The following PARD3 variants were observed in gnomAD, a reference collection of about 807,000 sequenced individuals.
PARD3 encodes par-3 family cell polarity regulator.
Under a neutral mutation model 155.4 loss-of-function variants are expected in PARD3, and 75 were observed. That is an observed-to-expected ratio of 0.48 (90% CI 0.40 to 0.58). The LOEUF (loss-of-function observed/expected upper bound fraction) is 0.58, where lower values mean the gene tolerates loss of function less well. Among genes scored for constraint, PARD3 ranks in the 20% least tolerant of loss-of-function variants. The pLI is 0.00. For synonymous variants in PARD3, 576 were observed against 610.5 expected, an observed-to-expected ratio of 0.94 and a Z score of 0.83; for missense variants, 1,642 against 1,721.7, an observed-to-expected ratio of 0.95 and a Z score of 0.82.
At chr10:34,799,950 A>C (rs1235265321) in intron 1 of PARD3, among the ~76,000 whole-genome samples, 5 of 152,124 alleles carry the variant, frequency 3.3e-5, no homozygotes, top group Non-Finnish European at 7.3e-5. Flanking sequence ...CAATACAGTG[A>C]GACTCCATCT....
intron 21 of PARD3, among the ~76,000 whole-genome samples, chr10:34,277,749 A>G (rs1422209536): frequency 2.0e-5 from 3 of 152,182 alleles, no homozygotes; most frequent in Non-Finnish European, 4.4e-5. Flanking sequence ...AAAAGTTGAA[A>G]AAGAGATAAA....
intron 2 of PARD3, among the ~76,000 whole-genome samples, chr10:34,630,155 G>A (rs1334143961): frequency 2.0e-5 from 3 of 152,160 alleles, no homozygotes; most frequent in Non-Finnish European, 4.4e-5. Context: ...GTTTAGAAAC[G>A]TAAAGCATTT....
rs116785305 is a variant in PARD3, at chr10:34,454,223, G to A, written c.583-3775C>T. On this transcript the variant is annotated intron_variant, in intron 4 of 24. Transcript: ENST00000374788. Reference sequence around the variant, plus strand: ...AGTCTGGCCACAAATCTAGTTCACCGTCTACTGCATACAATGTGTATCAAG... The same window carrying A: ...AGTCTGGCCACAAATCTAGTTCACCATCTACTGCATACAATGTGTATCAAG... Among the ~76,000 whole-genome samples the A allele has an allele frequency of 4.0e-3, 601 of 152,012 alleles. 3 individuals are homozygous for A. The highest frequency in any genetic ancestry group is 0.014 in the African/African-American group (567 of 41,434).
At chr10:34,175,036 C>T (rs75920603) in intron 22 of PARD3, among the ~76,000 whole-genome samples, 4,619 of 151,930 alleles carry the variant, frequency 0.03, 87 homozygotes, top group Non-Finnish European at 0.04. Context: ...TGGAGTTCCT[C>T]GTATCTAGAA....
chr10:34,477,660 T>A (rs1306017729), intron 3 of PARD3, among the ~76,000 whole-genome samples: 1 of 152,236 alleles, frequency 6.6e-6, no homozygotes, highest in Non-Finnish European at 1.5e-5. Flanking sequence ...TTTCTTCTCA[T>A]CAACTTGCCC....
chr10:34,185,372 T>C (rs1950439540), intron 22 of PARD3, among the ~76,000 whole-genome samples: 2 of 152,222 alleles, frequency 1.3e-5, no homozygotes, highest in South Asian at 2.1e-4. Flanking sequence ...GTCATTAGTA[T>C]TATACAATGT....
intron 1 of PARD3, among the ~76,000 whole-genome samples, chr10:34,782,079 C>A (rs530314490): frequency 6.6e-6 from 1 of 152,152 alleles, no homozygotes; most frequent in Admixed American, 6.5e-5. Context: ...TAAGGAAGTG[C>A]ACTTTGACCC....
At chr10:34,423,333 G>T (rs957526275) in intron 5 of PARD3, among the ~76,000 whole-genome samples, 5 of 152,062 alleles carry the variant, frequency 3.3e-5, no homozygotes, top group African/African-American at 1.2e-4. Flanking sequence ...GGTGGGTGGG[G>T]ATGTGTTGGT....
chr10:34,374,141 AT>A (rs1840980841), intron 11 of PARD3, among the ~76,000 whole-genome samples: 1 of 152,166 alleles, frequency 6.6e-6, no homozygotes, highest in South Asian at 2.1e-4. Flanking sequence ...CAATTATGTC[AT>A]TTTTATATAT....
intron 22 of PARD3, among the ~76,000 whole-genome samples, chr10:34,222,011 T>C (rs1485485136): frequency 6.6e-6 from 1 of 152,186 alleles, no homozygotes; most frequent in Non-Finnish European, 1.5e-5. Flanking sequence ...TTAAAAATGG[T>C]TAAGATGGTA....
rs2078258110 is a variant in PARD3, at chr10:34,470,117, T to C, written c.550A>G (p.Thr184Ala). 3 of 1,612,364 alleles carry C rather than the reference T, an allele frequency of 1.9e-6. No individual in the cohort carries two copies. Among genetic ancestry groups the C allele is most frequent in the Admixed American group, 1.7e-5 (1 of 59,778 alleles). The change falls in exon 4 of 25, where the codon ACT (threonine) becomes GCT (alanine). Residue 184 changes from threonine (T) to alanine (A), a missense_variant. By Grantham distance (58) the Thr-to-Ala change is moderately conservative. Coordinates refer to ENST00000374788, the MANE Select transcript of PARD3 (RefSeq NM_001184785.2). Reference protein sequence around the residue: ...STTAGFLKQNTAGSPKTCDRK... With the variant: ...STTAGFLKQNAAGSPKTCDRK... The stretch of plus-strand genomic sequence containing the variant: ...TCGCAGGTTTTAGGACTCCCAGCAG[T>C]GTTCTGCTTGAGGAAGCCAGCTGTT...
chr10:34,589,016 T>C (rs936157189), intron 2 of PARD3, among the ~76,000 whole-genome samples: 2 of 152,196 alleles, frequency 1.3e-5, no homozygotes, highest in African/African-American at 4.8e-5. Flanking sequence ...AAGGTTCATT[T>C]GGTCCAGCCT....
chr10:34,594,616 G>A (rs2089071903), intron 2 of PARD3, among the ~76,000 whole-genome samples: 1 of 152,072 alleles, frequency 6.6e-6, no homozygotes, highest in Admixed American at 6.6e-5. Flanking sequence ...AAGAAAATCG[G>A]CTTCAAAATA....
At chr10:34,355,062 G>A (rs775840339) in intron 14 of PARD3, among the ~76,000 whole-genome samples, 6 of 152,166 alleles carry the variant, frequency 3.9e-5, no homozygotes, top group South Asian at 2.1e-4. Context: ...TAGGCCAGGC[G>A]CAGTGGCTCA....
chr10:34,553,378 G>C (rs1274769290), intron 2 of PARD3, among the ~76,000 whole-genome samples: 5 of 152,200 alleles, frequency 3.3e-5, no homozygotes. Context: ...CAATGTTTTA[G>C]ATTCAGAGAA....
intron 21 of PARD3, among the ~76,000 whole-genome samples, chr10:34,281,840 T>C (rs1385183185): frequency 6.6e-6 from 1 of 152,206 alleles, no homozygotes; most frequent in Non-Finnish European, 1.5e-5. Context: ...TTTCTATTTT[T>C]ATATGGAATT....
chr10:34,813,277 T>C (rs1844434351), intron 1 of PARD3, among the ~76,000 whole-genome samples: 1 of 149,180 alleles, frequency 6.7e-6, no homozygotes, highest in African/African-American at 2.5e-5. Context: ...TTCAGGAGCC[T>C]AGACGTACTG....
At chr10:34,346,934 C>T (rs565358542) in intron 15 of PARD3, among the ~76,000 whole-genome samples, 46 of 152,328 alleles carry the variant, frequency 3.0e-4, no homozygotes, top group African/African-American at 1.1e-3. Context: ...GTAGAAAGTT[C>T]TTTGAAGGCA....
intron 2 of PARD3, among the ~76,000 whole-genome samples, chr10:34,590,938 C>A (rs985279542): frequency 3.9e-5 from 6 of 152,242 alleles, no homozygotes; most frequent in African/African-American, 1.4e-4. Context: ...TTATTAACTC[C>A]CCCGCCTTTC....
Sources: allele counts gnomAD v4.1 joint callset (sites outside exome capture counted in the v4.1 genomes callset), GRCh38; gene constraint gnomAD v4.1.1; transcripts MANE v1.5; gene names NCBI Gene and HGNC (gene_info 2026-07-23, HGNC 2026-07-21).